Variants in ITLN1 observed in about 807,000 individuals in gnomAD.
ITLN1 encodes intelectin-1.
In ITLN1, 29 loss-of-function variants were observed where a neutral mutation model predicts 36.2. That is an observed-to-expected ratio of 0.80 (90% CI 0.60 to 1.09). The LOEUF is 1.09. Among genes scored for constraint, ITLN1 ranks in the 50% least tolerant of loss-of-function variants. ITLN1 has a pLI of 0.00. For synonymous variants in ITLN1, 143 were observed against 146.5 expected (o/e 0.98, Z 0.17); for missense variants, 358 against 405.2 (o/e 0.88, Z 1.00).
chr1:160,879,249 C>T, intron 7 of ITLN1, 62 bp downstream of exon 7: 1 of 1,183,828 alleles, frequency 8.4e-7, no homozygotes, highest in Admixed American at 1.7e-5. Flanking sequence ...CTCACACATA[C>T]CAACACACAC....
intron 6 of ITLN1, 148 bp from the exon 7 acceptor site, chr1:160,879,562 G>A: frequency 4.6e-6 from 3 of 649,560 alleles, no homozygotes; most frequent in South Asian, 3.6e-5. Context: ...TGTGGCCAAT[G>A]GCTGCTACAT....
Position 160,879,311 on chromosome 1 carries a change from G to T in ITLN1, c.789C>A (p.His263Gln). The change falls in exon 7 of 8, where the codon CAC becomes CAA. Residue 263 changes from histidine to glutamine, a missense_variant and splice_region_variant. Coordinates refer to ENST00000326245, the MANE Select transcript of ITLN1 (RefSeq NM_017625.3). ...GMRVTGCNTEHHCIGGGGYFP... is the reference protein window; with the variant it reads ...GMRVTGCNTEQHCIGGGGYFP... ...CCCTGCAGTCCCCACAGAGACTCAC[G>T]TGCTCAGTGTTACATCCGGTGACCC... 3.1e-6 allele frequency: 5 copies of T among 1,611,064 alleles called. No homozygotes were observed. The highest frequency in any genetic ancestry group is 4.2e-6 in the Non-Finnish European group (5 of 1,177,334).
chr1:160,876,911 C>T, intron 7 of ITLN1, 95 bp from the exon 8 acceptor site: 1 of 1,251,646 alleles, frequency 8.0e-7, no homozygotes, highest in Non-Finnish European at 1.1e-6. Flanking sequence ...CTTTGGTCCT[C>T]ATCAGACTCT....
chr1:160,883,332 C>A (rs1334071529), intron 3 of ITLN1, 96 bp downstream of exon 3: 3 of 783,038 alleles, frequency 3.8e-6, no homozygotes, highest in African/African-American at 1.8e-5. Flanking sequence ...TATACATATA[C>A]TTTACCATAA....
At chr1:160,878,184 G>A (rs1482916828) in intron 7 of ITLN1, among the ~76,000 whole-genome samples, 4 of 151,884 alleles carry the variant, frequency 2.6e-5, no homozygotes, top group Admixed American at 2.0e-4. Context: ...AAAAAAGTGT[G>A]TAACGCCTCC....
At chr1:160,877,948 C>A (rs1670617278) in intron 7 of ITLN1, among the ~76,000 whole-genome samples, 1 of 152,118 alleles carries the variant, frequency 6.6e-6, no homozygotes, top group Admixed American at 6.6e-5. Context: ...GCGGGTAGAT[C>A]ACTTGAGGTC....
At chr1:160,884,719 G>A in intron 2 of ITLN1, 101 bp downstream of exon 2, 2 of 793,658 alleles carry the variant, frequency 2.5e-6, no homozygotes, top group Non-Finnish European at 4.3e-6. Flanking sequence ...ATGCAAGCCA[G>A]CCGCTGTGCA....
At chr1:160,883,578 C>T (rs1042137258) in intron 2 of ITLN1, 52 bp from the exon 3 acceptor site, 8 of 1,265,018 alleles carry the variant, frequency 6.3e-6, no homozygotes, top group Non-Finnish European at 9.2e-6. Context: ...CAAAACCTAC[C>T]CTCTCCTATC....
At chr1:160,879,441 T>C (rs1247110657) in intron 6 of ITLN1, 27 bp from the exon 7 acceptor site, 1 of 1,585,568 alleles carries the variant, frequency 6.3e-7, no homozygotes, top group South Asian at 1.1e-5. Context: ...GAAAACAGCA[T>C]TCAAGGAAGA....
Position 160,880,698 on chromosome 1 carries a change from A to T in ITLN1, c.575T>A (p.Val192Glu). ...CCAACACTTTCCTTCTCCATATTTC[A>T]CTGGATATTTCTACAAAGAACACAG... ...NLFGIYQKYP[V>E]KYGEGKCWTD... Residue 192 changes from valine to glutamate, a missense_variant, in exon 6 of 8, where the codon GTG becomes GAG. Val to Glu is a moderately radical substitution (Grantham distance 121). Transcript: ENST00000326245. 1 of 1,613,990 alleles carries T rather than the reference A, an allele frequency of 6.2e-7. No individual in the cohort carries two copies. The highest frequency in any genetic ancestry group is 8.5e-7 in the Non-Finnish European group (1 of 1,179,960).
chr1:160,881,850 TC>T, intron 4 of ITLN1, 106 bp downstream of exon 4: 1 of 1,235,600 alleles, frequency 8.1e-7, no homozygotes, highest in Admixed American at 1.9e-5. Context: ...TCTCTTCTTC[TC>T]CAGCCCATCC....
In ITLN1 at chr1:160,881,159, A is replaced by G. The variant is rs766974654; in HGVS notation, c.559T>C (p.Tyr187His). 1.2e-6 allele frequency: 2 copies of G among 1,608,156 alleles called. No individual in the cohort carries two copies. The highest frequency in any genetic ancestry group is 1.7e-6 in the Non-Finnish European group (2 of 1,176,788). Residue 187 changes from tyrosine (Y) to histidine (H), a missense_variant, in exon 5 of 8, where the codon TAC becomes CAC. Physicochemically the swap from Tyr to His is moderately conservative, Grantham distance 83 (BLOSUM62 2). Coordinates refer to ENST00000326245, the MANE Select transcript of ITLN1 (RefSeq NM_017625.3). ...CAGCCAGCAGCCTTCTGTACCTGGT[A>G]GATGCCAAACAGATTATGTCCCAGT... Reference protein sequence around the residue: ...QTLGHNLFGIYQKYPVKYGEG... With the variant: ...QTLGHNLFGIHQKYPVKYGEG...
intron 4 of ITLN1, 40 bp from the exon 5 acceptor site, chr1:160,881,352 G>T (rs761514234): frequency 1.3e-6 from 2 of 1,523,584 alleles, no homozygotes; most frequent in Admixed American, 4.1e-5. Flanking sequence ...GGGCCAGGAG[G>T]TCCCAGGAGG....
chr1:160,881,205 C>T lies in ITLN1; in HGVS notation c.513G>A (p.Thr171=), dbSNP rs142129957. The T allele has an allele frequency of 3.6e-5, 58 of 1,613,508 alleles. No individual in the cohort carries two copies. The highest frequency in any genetic ancestry group is 5.5e-5 in the South Asian group (5 of 91,004). ...CCAGTGTCTGGAGGAAGCCAGTGTC[C>T]GTGCGGTACCTCAGCAGGGAGCTGT... is the stretch of plus-strand genomic sequence containing the variant. The part of the protein sequence containing the change: ...WRNSSLLRYR[T]DTGFLQTLGH... Residue 171 remains threonine (T), a synonymous_variant, in exon 5 of 8, where the codon ACG becomes ACA. Transcript: ENST00000326245.
At chr1:160,881,664 C>T (rs1462546403) in intron 4 of ITLN1, 2 of 535,098 alleles carry the variant, frequency 3.7e-6, no homozygotes, top group Non-Finnish European at 6.5e-6. Flanking sequence ...CAAAAATTCG[C>T]TGAGTATGGT....
intron 4 of ITLN1, 111 bp from the exon 5 acceptor site, chr1:160,881,423 G>A (rs929799417): frequency 1.8e-5 from 23 of 1,287,488 alleles, no homozygotes; most frequent in Non-Finnish European, 2.2e-5. Context: ...CAGATGAGCA[G>A]ATGGCCAACC....
chr1:160,876,782 G>A lies in ITLN1; in HGVS notation c.824C>T (p.Ala275Val), dbSNP rs1246592274. ...CIGGGGYFPE[A>V]SPQQCGDFSG... ...AAAATCTCCACACTGCTGGGGACTG[G>A]CCTCTGGAAAGTATCCTCCTCCACC... Residue 275 changes from alanine to valine, a missense_variant, in exon 8 of 8, where the codon GCC (alanine) becomes GTC (valine). Physicochemically the swap from Ala to Val is moderately conservative, Grantham distance 64. Transcript: ENST00000326245. The A allele has an allele frequency of 1.2e-6, 2 of 1,614,188 alleles. No individual in the cohort carries two copies. The highest frequency in any genetic ancestry group is 3.3e-5 in the Admixed American group (2 of 60,020).
chr1:160,879,818 G>C (rs1167973426), intron 6 of ITLN1, among the ~76,000 whole-genome samples: 1 of 152,158 alleles, frequency 6.6e-6, no homozygotes, highest in Non-Finnish European at 1.5e-5. Flanking sequence ...AATAATAACA[G>C]CTTTGAGTTC....
intron 4 of ITLN1, 198 bp from the exon 5 acceptor site, chr1:160,881,510 G>T: frequency 1.7e-6 from 1 of 588,950 alleles, no homozygotes; most frequent in Non-Finnish European, 2.8e-6. Flanking sequence ...AGGAAGTTGT[G>T]ATTCAAAGTG....
Sources: gnomAD v4.1 joint callset for allele counts (sites outside exome capture counted in the v4.1 genomes callset) on GRCh38, gnomAD v4.1.1 for gene constraint, MANE v1.5 for transcripts, NCBI Gene and HGNC (gene_info 2026-07-23, HGNC 2026-07-21) for gene names.